The following NAA11 variants were observed in gnomAD, a reference collection of about 807,000 sequenced individuals.
NAA11 encodes the protein N-alpha-acetyltransferase 11.
In NAA11, 15 loss-of-function variants were observed where a neutral mutation model predicts 16.1. The ratio of observed to expected loss-of-function variants is 0.93; its 90% CI spans 0.62 to 1.44. The LOEUF (loss-of-function observed/expected upper bound fraction) is 1.44. NAA11 is among the 40% of genes most tolerant of loss of function. NAA11 has a pLI of 0.00. For synonymous variants in NAA11, 122 were observed against 112.4 expected (o/e 1.09, Z -0.54); for missense variants, 298 against 291.3 (o/e 1.02, Z -0.17).
At position 79,236,282 on chromosome 4, in the gene NAA11, A is replaced by G. The variant is rs958999558; in HGVS notation, c.*123-10012T>C. ...ATACATCTGTTGCATTCCACTGACC[A>G]CAATTTCACATCTTTTTGTTTTTTT... On this transcript the variant is annotated intron_variant and NMD_transcript_variant, in intron 2 of 2. Transcript: ENST00000511542. 1.3e-4 allele frequency among the ~76,000 whole-genome samples: 20 copies of G among 152,086 alleles called. No homozygotes were observed. In the South Asian group the frequency reaches 1.9e-3, roughly 14 times the overall value.
intron 2 of NAA11, among the ~76,000 whole-genome samples, chr4:79,288,104 G>A (rs116128373): frequency 0.014 from 2,124 of 152,216 alleles, 31 homozygotes; most frequent in Admixed American, 0.022. Flanking sequence ...TCTCAGCAGA[G>A]GGAACTGGTG....
At chr4:79,292,601 T>C (rs1302323182) in intron 2 of NAA11, among the ~76,000 whole-genome samples, 1 of 152,206 alleles carries the variant, frequency 6.6e-6, no homozygotes, top group African/African-American at 2.4e-5. Flanking sequence ...ATTGATGCTT[T>C]TTAACTTTAC....
chr4:79,256,932 C>T (rs1361948537), intron 2 of NAA11, among the ~76,000 whole-genome samples: 1 of 151,878 alleles, frequency 6.6e-6, no homozygotes, highest in East Asian at 1.9e-4. Context: ...AGCCACCATG[C>T]CCGGCCTGTA....
At chr4:79,176,919 C>T in the NAA11 span, among the ~76,000 whole-genome samples, 1 of 152,080 alleles carries the variant, frequency 6.6e-6, no homozygotes, top group South Asian at 2.1e-4. Flanking sequence ...CCTCCACTGT[C>T]CACCCTCAGG....
the NAA11 span, among the ~76,000 whole-genome samples, chr4:79,170,563 G>C: frequency 1.3e-5 from 2 of 152,154 alleles, no homozygotes; most frequent in Non-Finnish European, 2.9e-5. Flanking sequence ...GGTCAGAAAG[G>C]ACTTTGCATT....
chr4:79,233,466 C>T (rs1721508530), intron 2 of NAA11, among the ~76,000 whole-genome samples: 1 of 151,818 alleles, frequency 6.6e-6, no homozygotes, highest in Non-Finnish European at 1.5e-5. Flanking sequence ...CACTCATTCC[C>T]ATTTTTGGTT....
intron 1 of NAA11, among the ~76,000 whole-genome samples, chr4:79,324,350 GATT>G (rs1724192897): frequency 6.6e-6 from 1 of 152,098 alleles, no homozygotes; most frequent in Non-Finnish European, 1.5e-5. Context: ...AATTTTGCCT[GATT>G]ATCTCAAAAA....
intron 2 of NAA11, among the ~76,000 whole-genome samples, chr4:79,238,116 T>A (rs968113573): frequency 6.6e-6 from 1 of 152,186 alleles, no homozygotes; most frequent in African/African-American, 2.4e-5. Context: ...GGTTTTCCAT[T>A]TGTTGGCCAA....
chr4:79,302,608 G>A (rs1434130645), intron 1 of NAA11, among the ~76,000 whole-genome samples: 1 of 151,872 alleles, frequency 6.6e-6, no homozygotes, highest in Non-Finnish European at 1.5e-5. Flanking sequence ...ATGTATATTT[G>A]CATTATATTT....
At chr4:79,283,059 G>A (rs1355261169) in intron 2 of NAA11, among the ~76,000 whole-genome samples, 1 of 152,068 alleles carries the variant, frequency 6.6e-6, no homozygotes, top group Admixed American at 6.6e-5. Flanking sequence ...AAATATAAGA[G>A]CAAAAGTGTT....
chr4:79,157,465 A>G, the NAA11 span, among the ~76,000 whole-genome samples: 1 of 152,022 alleles, frequency 6.6e-6, no homozygotes, highest in African/African-American at 2.4e-5. Flanking sequence ...GCATTCCATC[A>G]TATACATATG....
At chr4:79,202,577 ATATG>A in the NAA11 span, among the ~76,000 whole-genome samples, 1 of 134,504 alleles carries the variant, frequency 7.4e-6, no homozygotes, top group African/African-American at 2.6e-5. Flanking sequence ...TTATATATAT[ATATG>A]TAGTTTTATA....
chr4:79,262,082 A>G (rs1436386727), intron 2 of NAA11, among the ~76,000 whole-genome samples: 1 of 152,182 alleles, frequency 6.6e-6, no homozygotes, highest in Non-Finnish European at 1.5e-5. Flanking sequence ...TTGTGGGAAT[A>G]AAGTGGTCAA....
chr4:79,269,236 CA>C, intron 2 of NAA11, among the ~76,000 whole-genome samples: 1 of 149,404 alleles, frequency 6.7e-6, no homozygotes, highest in Middle Eastern at 3.4e-3. Context: ...ATGGCTGGGT[CA>C]AATGGTATTT....
the NAA11 span, among the ~76,000 whole-genome samples, chr4:79,203,653 C>G: frequency 1.3e-5 from 2 of 151,252 alleles, no homozygotes; most frequent in African/African-American, 2.4e-5. Flanking sequence ...TATGGCACCT[C>G]TTCTACATAT....
chr4:79,322,654 T>A (rs935119527), intron 1 of NAA11, among the ~76,000 whole-genome samples: 4 of 152,184 alleles, frequency 2.6e-5, no homozygotes, highest in African/African-American at 7.2e-5. Flanking sequence ...AAATTTTTTT[T>A]AAAAGGTTTG....
chr4:79,174,542 A>G, the NAA11 span, among the ~76,000 whole-genome samples: 2 of 152,134 alleles, frequency 1.3e-5, no homozygotes, highest in Non-Finnish European at 2.9e-5. Context: ...TGCTACATAG[A>G]AATCAAGTCA....
rs575063577 is a variant in NAA11 at position 79,246,301 on chromosome 4, C to T, written c.*123-20031G>A. Among the ~76,000 whole-genome samples the T allele has an allele frequency of 1.9e-4, 28 of 151,332 alleles. No homozygotes were observed. In the East Asian group the frequency reaches 5.4e-3, roughly 29 times the overall value. ...CTTTGTTCACATGTTTATCTGCTGACCTTCTCTCCACTATTGTCCTATGAC... is the reference window on the plus strand; with the variant it reads ...CTTTGTTCACATGTTTATCTGCTGATCTTCTCTCCACTATTGTCCTATGAC... On this transcript the variant is annotated intron_variant and NMD_transcript_variant, in intron 2 of 2. Transcript: ENST00000511542.
the NAA11 span, among the ~76,000 whole-genome samples, chr4:79,162,773 G>A: frequency 6.6e-6 from 1 of 152,140 alleles, no homozygotes; most frequent in Non-Finnish European, 1.5e-5. Flanking sequence ...ACAGCATTAT[G>A]TTACATAGTC....
Sources: gnomAD v4.1 joint callset for allele counts (sites outside exome capture counted in the v4.1 genomes callset) on GRCh38, gnomAD v4.1.1 for gene constraint, MANE v1.5 for transcripts, NCBI Gene and HGNC (gene_info 2026-07-23, HGNC 2026-07-21) for gene names.